Variants in CSMD1 observed in about 807,000 individuals in gnomAD.
CSMD1 encodes the protein CUB and Sushi multiple domains 1.
In CSMD1, 213 loss-of-function variants were observed where a neutral mutation model predicts 417.5. The observed-to-expected ratio is 0.51, with a 90% confidence interval of 0.46 to 0.57. The LOEUF (loss-of-function observed/expected upper bound fraction) is 0.57. CSMD1 is among the 20% of genes least tolerant of loss of function. The probability of loss-of-function intolerance (pLI) is 0.00; values close to 1 mark genes in which losing one functional copy is unlikely to be tolerated. For missense variants in CSMD1, 6,923 were observed against 4,529.7 expected, an observed-to-expected ratio of 1.53 and a Z score of -15.17; for synonymous variants, 2,862 against 1,736.8, an observed-to-expected ratio of 1.65 and a Z score of -16.11.
chr8:4,021,228 C>G (rs1350240353), intron 4 of CSMD1, among the ~76,000 whole-genome samples: 2 of 152,200 alleles, frequency 1.3e-5, no homozygotes, highest in African/African-American at 4.8e-5. Flanking sequence ...AAACTAGCAT[C>G]TTTTGAAAAT....
intron 3 of CSMD1, among the ~76,000 whole-genome samples, chr8:4,288,390 G>A (rs754418604): frequency 9.2e-5 from 14 of 152,112 alleles, no homozygotes; most frequent in African/African-American, 2.9e-4. Flanking sequence ...TTACAAGAAT[G>A]ACCTACAAAT....
chr8:3,762,145 C>T lies in CSMD1; in HGVS notation c.819-8103G>A, dbSNP rs946090978. Among the ~76,000 whole-genome samples, 9 of 152,270 alleles carry T rather than the reference C, an allele frequency of 5.9e-5. No individual in the cohort carries two copies. In the East Asian group the frequency reaches 7.8e-4, roughly 13 times the overall value. ...CTTTCCAGCCTCTTCAGGTGCACAT[C>T]GCCCCCATCCCCTGCTTTCTACACC... On this transcript the variant is annotated intron_variant, in intron 5 of 69. Transcript: ENST00000635120.
intron 1 of CSMD1, among the ~76,000 whole-genome samples, chr8:4,768,408 G>T (rs776641576): frequency 1.3e-5 from 2 of 152,180 alleles, no homozygotes; most frequent in African/African-American, 4.8e-5. Context: ...CATACAGTCT[G>T]CCGGGTGTCA....
chr8:3,154,998 A>C (rs1819430300), intron 39 of CSMD1, among the ~76,000 whole-genome samples: 1 of 152,240 alleles, frequency 6.6e-6, no homozygotes, highest in Non-Finnish European at 1.5e-5. Context: ...TTTTAAAACA[A>C]TGAAAAAACT....
chr8:4,596,840 G>A (rs956736932), intron 2 of CSMD1, among the ~76,000 whole-genome samples: 1 of 152,162 alleles, frequency 6.6e-6, no homozygotes, highest in African/African-American at 2.4e-5. Flanking sequence ...CCAGGGGGAG[G>A]TAATTGAATC....
intron 3 of CSMD1, among the ~76,000 whole-genome samples, chr8:4,189,521 A>C (rs1399990090): frequency 6.6e-6 from 1 of 152,198 alleles, no homozygotes; most frequent in East Asian, 1.9e-4. Flanking sequence ...CATATATTAA[A>C]GATCAATCAA....
At chr8:4,306,775 G>A (rs568215819) in intron 3 of CSMD1, among the ~76,000 whole-genome samples, 2 of 152,070 alleles carry the variant, frequency 1.3e-5, no homozygotes, top group African/African-American at 4.8e-5. Context: ...CGAGTCCACA[G>A]ATCAGCCCTT....
At chr8:3,665,678 T>A (rs774201649) in intron 7 of CSMD1, among the ~76,000 whole-genome samples, 1 of 152,144 alleles carries the variant, frequency 6.6e-6, no homozygotes, top group Non-Finnish European at 1.5e-5. Flanking sequence ...AACAGAAAGA[T>A]AAAACTCAGG....
At chr8:3,774,720 C>G (rs963675384) in intron 5 of CSMD1, among the ~76,000 whole-genome samples, 1 of 152,118 alleles carries the variant, frequency 6.6e-6, no homozygotes, top group Non-Finnish European at 1.5e-5. Context: ...ACGATTTCTG[C>G]TCTCAAATTT....
rs17071265 is a variant in CSMD1, at chr8:4,771,629, G to C, written c.86-134071C>G. Among the ~76,000 whole-genome samples, 1,206 of 152,258 alleles carry C rather than the reference G, an allele frequency of 7.9e-3. 11 individuals carry two copies. Among genetic ancestry groups the C allele is most frequent in the African/African-American group, 0.028 (1,164 of 41,548 alleles). On this transcript the variant is annotated intron_variant, in intron 1 of 69. Transcript: ENST00000635120. ...AATGTTGAAACGTCCGTGAATTCCT[G>C]ATTAACACCATGATTTCTACGCAGT... is the stretch of plus-strand genomic sequence containing the variant.
At chr8:3,599,545 C>G (rs1333961320) in intron 8 of CSMD1, among the ~76,000 whole-genome samples, 2 of 152,146 alleles carry the variant, frequency 1.3e-5, no homozygotes, top group South Asian at 4.1e-4. Context: ...ATTGTTAACC[C>G]CCACACAGCA....
At chr8:3,500,527 G>C (rs1017716983) in intron 10 of CSMD1, among the ~76,000 whole-genome samples, 5 of 152,286 alleles carry the variant, frequency 3.3e-5, no homozygotes, top group Middle Eastern at 3.4e-3. Flanking sequence ...ATGAGGATGA[G>C]CTGCAGTCTC....
In CSMD1 at chr8:3,812,639, T is replaced by C. The variant is rs187543794; in HGVS notation, c.819-58597A>G. 2.2e-3 allele frequency among the ~76,000 whole-genome samples: 329 copies of C among 152,256 alleles called. 1 individual carries two copies. Among genetic ancestry groups the C allele is most frequent in the African/African-American group, 7.3e-3 (302 of 41,542 alleles). On this transcript the variant is annotated intron_variant, in intron 5 of 69. Transcript: ENST00000635120. ...AAATACATTGACTGACAAATCTGTA[T>C]CCTAGCCACAGTAAAGAGGAATTAA...
chr8:3,402,343 A>G (rs372977985), intron 15 of CSMD1, among the ~76,000 whole-genome samples: 141 of 152,136 alleles, frequency 9.3e-4, no homozygotes, highest in African/African-American at 3.3e-3. Context: ...ATCTTTTGCT[A>G]AAAAAATCAC....
chr8:3,795,079 A>ATAG (rs1799972790), intron 5 of CSMD1, among the ~76,000 whole-genome samples: 1 of 146,790 alleles, frequency 6.8e-6, no homozygotes, highest in African/African-American at 2.5e-5. Context: ...TCTATCATGT[A>ATAG]CAGCTATAGA....
chr8:3,612,932 G>A (rs940680223), intron 8 of CSMD1, among the ~76,000 whole-genome samples: 4 of 151,950 alleles, frequency 2.6e-5, no homozygotes, highest in Non-Finnish European at 5.9e-5. Context: ...AGAGGTCAGA[G>A]CAGAAATCAA....
At chr8:3,480,043 C>A (rs1484665823) in intron 11 of CSMD1, among the ~76,000 whole-genome samples, 1 of 152,050 alleles carries the variant, frequency 6.6e-6, no homozygotes, top group Non-Finnish European at 1.5e-5. Context: ...CTACACTAAA[C>A]AACAGAGACA....
chr8:4,485,335 A>G (rs78666045), intron 2 of CSMD1, among the ~76,000 whole-genome samples: 11,234 of 152,208 alleles, frequency 0.074, 634 homozygotes, highest in East Asian at 0.19. Flanking sequence ...TCTTCAAACA[A>G]CCTGTCTTCA....
chr8:4,086,392 G>C (rs138843626), intron 3 of CSMD1, among the ~76,000 whole-genome samples: 1 of 152,220 alleles, frequency 6.6e-6, no homozygotes, highest in African/African-American at 2.4e-5. Context: ...ATTCAGTACA[G>C]GCAGACAGAC....
Sources: gnomAD v4.1 joint callset for allele counts (sites outside exome capture counted in the v4.1 genomes callset) on GRCh38, gnomAD v4.1.1 for gene constraint, MANE v1.5 for transcripts, NCBI Gene and HGNC (gene_info 2026-07-23, HGNC 2026-07-21) for gene names.